Variants in COL26A1 observed in about 807,000 individuals in gnomAD.
COL26A1 encodes collagen type XXVI alpha 1 chain.
COL26A1 carries 41 observed loss-of-function variants against 59.3 expected under a neutral mutation model. That is an observed-to-expected ratio of 0.69 (90% CI 0.54 to 0.90). The LOEUF is 0.90. Ranked by LOEUF, COL26A1 falls within the 40% of genes least tolerant of loss-of-function variation. The pLI, the probability that COL26A1 is intolerant of heterozygous loss-of-function variation, is 0.00. For synonymous variants in COL26A1, 266 were observed against 256.0 expected (o/e 1.04, Z -0.37); for missense variants, 612 against 602.3 (o/e 1.02, Z -0.17).
At chr7:101,422,307 A>G (rs1487308222) in intron 2 of COL26A1, among the ~76,000 whole-genome samples, 1 of 139,812 alleles carries the variant, frequency 7.2e-6, no homozygotes, top group African/African-American at 2.9e-5. Flanking sequence ...ACAAAACTCC[A>G]TCTCAAAAAA....
intron 4 of COL26A1, among the ~76,000 whole-genome samples, chr7:101,536,031 G>GT (rs1465108066): frequency 1.3e-5 from 2 of 152,166 alleles, no homozygotes; most frequent in Admixed American, 1.3e-4. Flanking sequence ...CCTCTAGGAG[G>GT]TTTTTTTAGA....
intron 6 of COL26A1, 45 bp downstream of exon 6, chr7:101,544,141 GGGCTGGGC>G: frequency 6.8e-7 from 1 of 1,465,516 alleles, no homozygotes; most frequent in Non-Finnish European, 9.4e-7. Flanking sequence ...CCTGCGGAAG[GGGCTGGGC>G]TTTCTTCTCT....
At chr7:101,422,329 G>C (rs937721587) in intron 2 of COL26A1, among the ~76,000 whole-genome samples, 7 of 145,072 alleles carry the variant, frequency 4.8e-5, no homozygotes, top group Non-Finnish European at 7.5e-5. Context: ...AAAAAATGCT[G>C]GTTTTAAATG....
intron 5 of COL26A1, 21 bp from the exon 6 acceptor site, chr7:101,543,977 C>A: frequency 6.6e-7 from 1 of 1,526,412 alleles, no homozygotes; most frequent in Non-Finnish European, 8.9e-7. Context: ...GTTCTGATGC[C>A]CTGTCTCCTT....
rs10266288 is a variant in COL26A1 at position 101,398,350 on chromosome 7, G to T, written c.159-21627G>T. ...ACCTGGGAAGTCACAGGCTGAGCTG[G>T]GATAAGACCCCAGTTTCTTGACACA... On this transcript the variant is annotated intron_variant, in intron 1 of 12. Transcript: ENST00000313669. Among the ~76,000 whole-genome samples the T allele has an allele frequency of 3.4e-3, 523 of 152,232 alleles. 2 individuals are homozygous for T. Among genetic ancestry groups the T allele is most frequent in the African/African-American group, 0.012 (486 of 41,550 alleles).
At chr7:101,531,863 TGA>T (rs1157071516) in intron 3 of COL26A1, among the ~76,000 whole-genome samples, 4 of 152,110 alleles carry the variant, frequency 2.6e-5, no homozygotes, top group African/African-American at 9.7e-5. Context: ...AGGGGGAGGC[TGA>T]CAGTGTCGGG....
At chr7:101,390,259 G>A (rs780304240) in intron 1 of COL26A1, among the ~76,000 whole-genome samples, 118 of 144,442 alleles carry the variant, frequency 8.2e-4, no homozygotes, top group Non-Finnish European at 1.8e-4. Flanking sequence ...GGGTTCAAGC[G>A]ATTCTCCTGC....
intron 3 of COL26A1, among the ~76,000 whole-genome samples, chr7:101,510,025 G>GTTTTTTTTTTTTTTTTTTTTTTTT (rs1563019330): frequency 3.1e-5 from 3 of 98,118 alleles, no homozygotes; most frequent in African/African-American, 2.6e-4. Flanking sequence ...ATCGCGCCCA[G>GTTTTTTTTTTTTTTTTTTTTTTTT]TCTTTTTTTT....
intron 4 of COL26A1, among the ~76,000 whole-genome samples, chr7:101,538,700 G>A (rs528000266): frequency 3.8e-4 from 58 of 152,264 alleles, no homozygotes; most frequent in African/African-American, 1.4e-3. Context: ...CAGAACCCTG[G>A]GTGCAGGGTC....
upstream of COL26A1, chr7:101,362,809 G>T (rs988462605): frequency 5.6e-6 from 3 of 535,224 alleles, no homozygotes; most frequent in East Asian, 3.5e-5. Flanking sequence ...AAAGCCCCAC[G>T]CCCCCTTTGA....
chr7:101,438,206 A>G (rs913241030), intron 2 of COL26A1, among the ~76,000 whole-genome samples: 4 of 151,372 alleles, frequency 2.6e-5, no homozygotes, highest in Admixed American at 6.6e-5. Flanking sequence ...TACTAAAAAT[A>G]CAAAATTAGC....
intron 3 of COL26A1, among the ~76,000 whole-genome samples, chr7:101,480,488 T>C (rs752570039): frequency 6.6e-6 from 1 of 152,100 alleles, no homozygotes; most frequent in Non-Finnish European, 1.5e-5. Context: ...TTCTGATTGT[T>C]TTAATTTATT....
intron 3 of COL26A1, among the ~76,000 whole-genome samples, chr7:101,451,104 G>A (rs183699629): frequency 0.029 from 3,065 of 104,642 alleles, 57 homozygotes; most frequent in Non-Finnish European, 0.044. Flanking sequence ...TATATGATAC[G>A]TATTATATAT....
chr7:101,541,889 C>G (rs886174911), intron 5 of COL26A1, among the ~76,000 whole-genome samples: 7 of 152,110 alleles, frequency 4.6e-5, no homozygotes, highest in Admixed American at 4.6e-4. Context: ...AGGCTGAGGT[C>G]TACCATGAGT....
intron 3 of COL26A1, among the ~76,000 whole-genome samples, chr7:101,462,098 C>T (rs1454243159): frequency 1.4e-5 from 2 of 147,694 alleles, no homozygotes; most frequent in Non-Finnish European, 3.0e-5. Flanking sequence ...TTCCCAGTTT[C>T]AAGTGATTCT....
At chr7:101,397,501 T>TCCTTTCCTTCTCCTTCTCCTTC (rs1791886201) in intron 1 of COL26A1, among the ~76,000 whole-genome samples, 1 of 147,060 alleles carries the variant, frequency 6.8e-6, no homozygotes, top group African/African-American at 2.5e-5. Flanking sequence ...CTTCTCCTTC[T>TCCTTTCCTTCTCCTTCTCCTTC]CCTTCCCTTC....
intron 3 of COL26A1, among the ~76,000 whole-genome samples, chr7:101,460,523 C>T (rs1272541674): frequency 6.6e-6 from 1 of 152,142 alleles, no homozygotes; most frequent in East Asian, 1.9e-4. Flanking sequence ...TGGCTCACAC[C>T]TGTAATCCCA....
intron 1 of COL26A1, among the ~76,000 whole-genome samples, chr7:101,389,277 T>A (rs1791666981): frequency 6.6e-6 from 1 of 152,192 alleles, no homozygotes; most frequent in Non-Finnish European, 1.5e-5. Context: ...ATTAAGCTGT[T>A]AGCCCTGTTT....
intron 3 of COL26A1, among the ~76,000 whole-genome samples, chr7:101,499,118 G>A (rs1794648313): frequency 1.3e-5 from 2 of 152,180 alleles, no homozygotes; most frequent in Non-Finnish European, 2.9e-5. Flanking sequence ...GGGGGAGGCC[G>A]CAAGAGGTGC....
Sources: allele counts gnomAD v4.1 joint callset (sites outside exome capture counted in the v4.1 genomes callset), GRCh38; gene constraint gnomAD v4.1.1; transcripts MANE v1.5; gene names NCBI Gene and HGNC (gene_info 2026-07-23, HGNC 2026-07-21).